Variants in TERB2 observed in about 807,000 individuals in gnomAD.
TERB2 encodes telomere repeats-binding bouquet formation protein 2.
In TERB2, 26 loss-of-function variants were observed where a neutral mutation model predicts 29.8. That is an observed-to-expected ratio of 0.87 (90% CI 0.64 to 1.21). The LOEUF is 1.21. Ranked by LOEUF, TERB2 falls within the 50% of genes most tolerant of loss-of-function variation. The probability of loss-of-function intolerance (pLI) is 0.00; values close to 1 mark genes in which losing one functional copy is unlikely to be tolerated. For missense variants in TERB2, 240 were observed against 268.6 expected (o/e 0.89, Z 0.74); for synonymous variants, 80 against 90.8 (o/e 0.88, Z 0.68).
intron 5 of TERB2, among the ~76,000 whole-genome samples, chr15:44,973,340 G>C (rs1343946425): frequency 1.3e-5 from 2 of 152,044 alleles, no homozygotes; most frequent in Non-Finnish European, 2.9e-5. Flanking sequence ...TGTGTATTTT[G>C]TCTAAATATA....
In TERB2 at chr15:44,978,542, A is replaced by C. The variant is rs1356094261; in HGVS notation, c.577A>C (p.Ile193Leu). ...KKFLGELHDFIPGTSGYLAYH... is the reference protein window; with the variant it reads ...KKFLGELHDFLPGTSGYLAYH... ...ATTCCTTGGGGAGCTACATGACTTCATTCCTGGAACCTCAGGATATTTGGC... is the reference window on the plus strand; with the variant it reads ...ATTCCTTGGGGAGCTACATGACTTCCTTCCTGGAACCTCAGGATATTTGGC... Residue 193 changes from isoleucine (I) to leucine (L), a missense_variant, in exon 7 of 7, where the codon ATT (isoleucine) becomes CTT (leucine). By Grantham distance (5) the Ile-to-Leu change is conservative. Coordinates refer to ENST00000340827, the MANE Select transcript of TERB2 (RefSeq NM_152448.3). 1 of 1,610,914 alleles carries C rather than the reference A, an allele frequency of 6.2e-7. No homozygotes were observed. Among genetic ancestry groups the C allele is most frequent in the South Asian group, 1.1e-5 (1 of 90,336 alleles).
rs1892080725 is a variant in TERB2 at position 44,978,643 on chromosome 15, A to C, written c.*15A>C. 6.4e-7 allele frequency: 1 copy of C among 1,571,560 alleles called. No individual in the cohort carries two copies. Among genetic ancestry groups the C allele is most frequent in the Non-Finnish European group, 8.6e-7 (1 of 1,159,770 alleles). On this transcript the variant is annotated 3_prime_UTR_variant, in exon 7 of 7. Coordinates refer to ENST00000340827, the MANE Select transcript of TERB2 (RefSeq NM_152448.3). ...AGAGGAAATAGTAAATTAAATTGTA[A>C]ATACCTTGGCATTTATTTTCTATAA...
chr15:44,977,116 C>CACACACACACACACACACACACA (rs1566947510), intron 6 of TERB2, among the ~76,000 whole-genome samples: 2 of 151,418 alleles, frequency 1.3e-5, no homozygotes, highest in Non-Finnish European at 2.9e-5. Flanking sequence ...CACACACACA[C>CACACACACACACACACACACACA]CCCAGAAAAA....
rs1892007314 is a variant in TERB2, at chr15:44,973,955, G to T, written c.523G>T (p.Gly175Cys). Residue 175 changes from glycine to cysteine, a missense_variant and splice_region_variant, in exon 6 of 7, where the codon GGT becomes TGT. Gly to Cys is a radical substitution (Grantham distance 159). Transcript: ENST00000340827. ...QNYPVNNMVTGYISIDAMKKF... is the reference protein window; with the variant it reads ...QNYPVNNMVTCYISIDAMKKF... ...TTACCCAGTTAACAACATGGTAACA[G>T]GTAGTTTAAAATAAAATTTAGAGTA... 4 of 1,585,196 alleles carry T rather than the reference G, an allele frequency of 2.5e-6. No individual in the cohort carries two copies. In the East Asian group the frequency reaches 9.2e-5, roughly 36 times the overall value.
intron 6 of TERB2, 27 bp downstream of exon 6, chr15:44,973,982 A>AT (rs1283865569): frequency 6.7e-7 from 1 of 1,490,774 alleles, no homozygotes; most frequent in South Asian, 1.4e-5. Flanking sequence ...TTTAGAGTAA[A>AT]CTCAGGTAGG....
intron 6 of TERB2, among the ~76,000 whole-genome samples, chr15:44,975,158 GAACTA>G (rs997446828): frequency 8.5e-5 from 13 of 152,130 alleles, no homozygotes; most frequent in African/African-American, 2.9e-4. Context: ...TTTATTGGTA[GAACTA>G]AAGTAAAAAT....
chr15:44,958,224 G>GT, intron 2 of TERB2, 149 bp from the exon 3 acceptor site: 2 of 936,220 alleles, frequency 2.1e-6, no homozygotes, highest in Non-Finnish European at 3.0e-6. Context: ...TATGCCATAT[G>GT]TTTTTCCTTC....
intron 5 of TERB2, among the ~76,000 whole-genome samples, chr15:44,972,091 G>A (rs932736809): frequency 4.8e-5 from 7 of 145,040 alleles, no homozygotes; most frequent in Admixed American, 2.9e-4. Context: ...CCAGGTTCAA[G>A]TGATTCTCCT....
intron 6 of TERB2, chr15:44,975,992 G>A (rs1892041859): frequency 6.6e-6 from 1 of 152,182 alleles, no homozygotes; most frequent in South Asian, 2.1e-4. Flanking sequence ...TACAGTAGAT[G>A]CTGTATTAGT....
At chr15:44,965,163 A>AC (rs1891865110) in intron 4 of TERB2, among the ~76,000 whole-genome samples, 1 of 22,986 alleles carries the variant, frequency 4.4e-5, no homozygotes, top group East Asian at 1.1e-3. Flanking sequence ...ACTCTGTCTC[A>AC]AAAAAAAAAA....
At chr15:44,969,071 G>A (rs1595477738) in intron 5 of TERB2, among the ~76,000 whole-genome samples, 1 of 151,626 alleles carries the variant, frequency 6.6e-6, no homozygotes, top group South Asian at 2.1e-4. Context: ...AGCTAGGACC[G>A]CAGATGTGGG....
intron 3 of TERB2, among the ~76,000 whole-genome samples, chr15:44,961,215 T>TATATATAC (rs1348617987): frequency 1.4e-4 from 18 of 132,806 alleles, no homozygotes; most frequent in African/African-American, 5.1e-4. Flanking sequence ...TATATATATA[T>TATATATAC]ACACACACAC....
chr15:44,975,832 A>C (rs1306538380), intron 6 of TERB2, among the ~76,000 whole-genome samples: 1 of 152,220 alleles, frequency 6.6e-6, no homozygotes, highest in Non-Finnish European at 1.5e-5. Context: ...TCAGACTAAT[A>C]TCACTTATTA....
chr15:44,965,575 T>G (rs1891876024), intron 4 of TERB2, among the ~76,000 whole-genome samples: 2 of 144,326 alleles, frequency 1.4e-5, no homozygotes, highest in Admixed American at 7.1e-5. Flanking sequence ...ATATATTATA[T>G]AAATCTATAT....
intron 4 of TERB2, among the ~76,000 whole-genome samples, chr15:44,965,496 A>C (rs1234129057): frequency 6.9e-6 from 1 of 144,320 alleles, no homozygotes; most frequent in South Asian, 2.1e-4. Flanking sequence ...TTATATAGAT[A>C]TATATTATAT....
At chr15:44,961,191 GATATATAT>G (rs34640759) in intron 3 of TERB2, among the ~76,000 whole-genome samples, 1 of 136,418 alleles carries the variant, frequency 7.3e-6, no homozygotes. Flanking sequence ...ATACCTCAAT[GATATATAT>G]ATATATATAT....
intron 6 of TERB2, among the ~76,000 whole-genome samples, chr15:44,974,950 A>G (rs1448175858): frequency 1.3e-5 from 2 of 152,208 alleles, no homozygotes; most frequent in African/African-American, 4.8e-5. Flanking sequence ...TATTAAAATC[A>G]GCCATACATA....
intron 4 of TERB2, among the ~76,000 whole-genome samples, chr15:44,965,215 C>T (rs562955026): frequency 2.9e-4 from 38 of 131,826 alleles, no homozygotes; most frequent in African/African-American, 1.0e-3. Flanking sequence ...AAACTTCTTA[C>T]TGGTATATAA....
chr15:44,958,433 C>T lies in TERB2; in HGVS notation c.207C>T (p.Leu69=), dbSNP rs1377397300. 4 of 1,614,014 alleles carry T rather than the reference C, an allele frequency of 2.5e-6. No homozygotes were observed. The highest frequency in any genetic ancestry group is 1.3e-5 in the African/African-American group (1 of 74,922). Residue 69 remains leucine (L), a synonymous_variant, in exon 3 of 7, where the codon CTC becomes CTT. Transcript: ENST00000340827. The part of the protein sequence containing the change: ...DNATVFHAYY[L]SAVANAKIKN... ...CTACAGTTTTTCATGCCTACTATCT[C>T]TCTGCGGTAGCTAATGCCAAAATAA...
Sources: allele counts gnomAD v4.1 joint callset (sites outside exome capture counted in the v4.1 genomes callset), GRCh38; gene constraint gnomAD v4.1.1; transcripts MANE v1.5; gene names NCBI Gene and HGNC (gene_info 2026-07-23, HGNC 2026-07-21).